The following CSMD3 variants were observed in gnomAD, a reference collection of about 807,000 sequenced individuals.
CSMD3 encodes the protein CUB and Sushi multiple domains 3.
CSMD3 carries 177 observed loss-of-function variants against 435.2 expected under a neutral mutation model. That is an observed-to-expected ratio of 0.41 (90% confidence interval 0.36 to 0.46). CSMD3 has a LOEUF of 0.46. CSMD3 is among the 20% of genes least tolerant of loss of function. The pLI, the probability that CSMD3 is intolerant of heterozygous loss-of-function variation, is 0.34. For missense variants in CSMD3, 4,265 were observed against 4,504.6 expected (o/e 0.95, Z 1.52); for synonymous variants, 1,656 against 1,520.5 (o/e 1.09, Z -2.07).
At chr8:112,770,652 C>T (rs766681844) in intron 13 of CSMD3, among the ~76,000 whole-genome samples, 16 of 151,934 alleles carry the variant, frequency 1.1e-4, no homozygotes, top group South Asian at 8.3e-4. Flanking sequence ...TACTCAATTA[C>T]GATCTTGATC....
intron 13 of CSMD3, among the ~76,000 whole-genome samples, chr8:112,760,705 A>G (rs947893526): frequency 6.6e-6 from 1 of 152,156 alleles, no homozygotes; most frequent in Non-Finnish European, 1.5e-5. Flanking sequence ...TTTGTAATTA[A>G]AGGTGTTTTT....
chr8:113,162,376 A>C (rs561822700), intron 4 of CSMD3, among the ~76,000 whole-genome samples: 1 of 151,800 alleles, frequency 6.6e-6, no homozygotes, highest in South Asian at 2.1e-4. Flanking sequence ...GACCAGCCTG[A>C]CCAACATGGA....
At position 113,388,043 on chromosome 8, in the gene CSMD3, G is replaced by A. The variant is rs533402059; in HGVS notation, c.178+48634C>T. 2.6e-5 allele frequency among the ~76,000 whole-genome samples: 4 copies of A among 151,786 alleles called. No homozygotes were observed. In the East Asian group the frequency reaches 5.8e-4, roughly 22 times the overall value. ...ACCAGATATCCCGCTATGTTTTGGG[G>A]AGGGTTAAAGATAAGCCTGAATAGG... On this transcript the variant is annotated intron_variant, in intron 1 of 70. Coordinates refer to ENST00000297405, the MANE Select transcript of CSMD3 (RefSeq NM_198123.2).
At chr8:112,457,070 A>G (rs1816909735) in intron 32 of CSMD3, among the ~76,000 whole-genome samples, 2 of 152,174 alleles carry the variant, frequency 1.3e-5, no homozygotes, top group South Asian at 2.1e-4. Context: ...TTCTCCCTCT[A>G]CCCACAGAAC....
At chr8:112,349,915 G>A (rs1348153416) in intron 40 of CSMD3, among the ~76,000 whole-genome samples, 1 of 152,030 alleles carries the variant, frequency 6.6e-6, no homozygotes, top group Admixed American at 6.6e-5. Flanking sequence ...AACCCCTAAT[G>A]TGACTGTATT....
chr8:113,045,133 T>C (rs1051751195), intron 5 of CSMD3, among the ~76,000 whole-genome samples: 3 of 149,024 alleles, frequency 2.0e-5, no homozygotes, highest in Non-Finnish European at 3.0e-5. Context: ...AAAAGTCCAG[T>C]ATCCATACAC....
chr8:112,926,489 G>T (rs918540216), intron 9 of CSMD3, among the ~76,000 whole-genome samples: 1 of 152,026 alleles, frequency 6.6e-6, no homozygotes, highest in African/African-American at 2.4e-5. Context: ...AAGTCATAAG[G>T]CAAATGATAT....
chr8:112,469,306 T>C (rs377081571), intron 32 of CSMD3, among the ~76,000 whole-genome samples: 4 of 152,274 alleles, frequency 2.6e-5, no homozygotes, highest in East Asian at 3.9e-4. Flanking sequence ...AGAGACAATA[T>C]GGCATATGTA....
chr8:112,750,562 A>G (rs1032367359), intron 13 of CSMD3, among the ~76,000 whole-genome samples: 1 of 152,084 alleles, frequency 6.6e-6, no homozygotes, highest in Admixed American at 6.5e-5. Context: ...GTATGACTGC[A>G]TAAAAGATAA....
At chr8:112,725,745 CTG>C (rs535787842) in intron 13 of CSMD3, among the ~76,000 whole-genome samples, 313 of 151,976 alleles carry the variant, frequency 2.1e-3, no homozygotes, top group South Asian at 4.6e-3. Flanking sequence ...TTCCAATTAA[CTG>C]TGACTCAAAC....
intron 11 of CSMD3, among the ~76,000 whole-genome samples, chr8:112,847,357 A>C (rs2080353060): frequency 6.6e-6 from 1 of 152,142 alleles, no homozygotes; most frequent in Non-Finnish European, 1.5e-5. Flanking sequence ...TCTGGGTATC[A>C]CTTACCCTAT....
chr8:112,243,513 C>A (rs1018635469), intron 65 of CSMD3, among the ~76,000 whole-genome samples: 1 of 152,152 alleles, frequency 6.6e-6, no homozygotes, highest in South Asian at 2.1e-4. Context: ...TCACCCAGAT[C>A]TGGTCCAAAT....
chr8:113,155,739 T>C (rs2091916830), intron 4 of CSMD3, among the ~76,000 whole-genome samples: 1 of 152,092 alleles, frequency 6.6e-6, no homozygotes, highest in African/African-American at 2.4e-5. Flanking sequence ...ATAACTAAGA[T>C]CATGTTGGTT....
chr8:113,226,589 T>C (rs111777413), intron 3 of CSMD3, among the ~76,000 whole-genome samples: 16 of 151,686 alleles, frequency 1.1e-4, no homozygotes, highest in African/African-American at 3.9e-4. Context: ...TGCAATGCCT[T>C]AGTGGAAATT....
intron 3 of CSMD3, among the ~76,000 whole-genome samples, chr8:113,207,450 C>T (rs868219965): frequency 4.5e-4 from 68 of 150,780 alleles, no homozygotes; most frequent in African/African-American, 1.5e-3. Flanking sequence ...AGCGCGATCT[C>T]GGCTCACTGC....
intron 5 of CSMD3, among the ~76,000 whole-genome samples, chr8:113,093,598 T>C (rs1485893698): frequency 6.6e-6 from 1 of 151,972 alleles, no homozygotes; most frequent in African/African-American, 2.4e-5. Context: ...CAAAAATTGA[T>C]GGTATAAAAG....
intron 3 of CSMD3, among the ~76,000 whole-genome samples, chr8:113,247,420 C>G (rs1402189623): frequency 1.3e-5 from 2 of 151,956 alleles, no homozygotes; most frequent in African/African-American, 4.8e-5. Context: ...TGGTTGTGCA[C>G]CTAATAGTTT....
At chr8:112,286,874 T>G (rs1355452734) in intron 58 of CSMD3, among the ~76,000 whole-genome samples, 190 bp downstream of exon 58, 6 of 152,128 alleles carry the variant, frequency 3.9e-5, no homozygotes, top group African/African-American at 1.4e-4. Flanking sequence ...CAATGAGGGT[T>G]TTTTAAAAAA....
At chr8:112,767,647 G>A (rs1200357131) in intron 13 of CSMD3, among the ~76,000 whole-genome samples, 1 of 151,898 alleles carries the variant, frequency 6.6e-6, no homozygotes, top group African/African-American at 2.4e-5. Context: ...TGAATTGTAA[G>A]TATAGCTATT....
Sources: allele counts gnomAD v4.1 joint callset (sites outside exome capture counted in the v4.1 genomes callset), GRCh38; gene constraint gnomAD v4.1.1; transcripts MANE v1.5; gene names NCBI Gene and HGNC (gene_info 2026-07-23, HGNC 2026-07-21).